Variants in ZNF549 observed in about 807,000 individuals in gnomAD.
The protein encoded by ZNF549 is zinc finger protein 549.
A neutral mutation model predicts 11.1 loss-of-function variants in ZNF549; 11 were observed. The observed-to-expected ratio is 0.99, with a 90% CI of 0.62 to 1.64. The LOEUF (loss-of-function observed/expected upper bound fraction) is 1.64, where lower values mean the gene tolerates loss of function less well. Ranked by LOEUF, ZNF549 falls within the 40% of genes most tolerant of loss-of-function variation. The pLI, the probability that ZNF549 is intolerant of heterozygous loss-of-function variation, is 0.00. For synonymous variants in ZNF549, 266 were observed against 269.1 expected (o/e 0.99, Z 0.11); for missense variants, 748 against 765.1 (o/e 0.98, Z 0.26).
At chr19:57,528,119 GGTT>G (rs1481132426) in intron 1 of ZNF549, among the ~76,000 whole-genome samples, 1 of 152,140 alleles carries the variant, frequency 6.6e-6, no homozygotes, top group Non-Finnish European at 1.5e-5. Context: ...GGACCAGACG[GGTT>G]GCTGAAGGGA....
chr19:57,535,477 T>G, intron 3 of ZNF549: 1 of 612,956 alleles, frequency 1.6e-6, no homozygotes, highest in Non-Finnish European at 2.6e-6. Flanking sequence ...TAGTTAAGAG[T>G]TTGGGTTCAG....
chr19:57,536,219 T>C (rs2089924021), intron 3 of ZNF549, among the ~76,000 whole-genome samples: 5 of 152,212 alleles, frequency 3.3e-5, no homozygotes, highest in Admixed American at 3.3e-4. Context: ...GATGGGGTTA[T>C]ATCCTGATAA....
In ZNF549 at chr19:57,537,813, A is replaced by C. The variant is rs774515121; in HGVS notation, c.809A>C (p.Asn270Thr). Reference sequence around the variant, plus strand: ...TTTGTTGAACACCAGAGAACCCATAATGCAGAAAAGCCTTATGTGTGCAAT... The same window carrying C: ...TTTGTTGAACACCAGAGAACCCATACTGCAGAAAAGCCTTATGTGTGCAAT... The part of the protein sequence containing the change: ...YLFVEHQRTH[N>T]AEKPYVCNIC... Residue 270 changes from asparagine to threonine, a missense_variant, in exon 4 of 4, where the codon AAT (asparagine) becomes ACT (threonine). Coordinates refer to ENST00000376233, the MANE Select transcript of ZNF549 (RefSeq NM_001199295.2). The C allele has an allele frequency of 3.7e-6, 6 of 1,614,090 alleles. No homozygotes were observed. In the African/African-American group the frequency reaches 6.7e-5, roughly 18 times the overall value.
At chr19:57,532,966 T>A (rs1452631311) in intron 2 of ZNF549, among the ~76,000 whole-genome samples, 2 of 152,204 alleles carry the variant, frequency 1.3e-5, no homozygotes, top group Non-Finnish European at 2.9e-5. Flanking sequence ...TGCCTCAACC[T>A]CCCGAGTGGC....
Position 57,537,494 on chromosome 19 carries a change from G to A in ZNF549, c.490G>A (p.Glu164Lys), listed in dbSNP as rs2089930706. The A allele has an allele frequency of 1.9e-6, 3 of 1,614,206 alleles. No homozygotes were observed. Residue 164 changes from glutamate to lysine, a missense_variant, in exon 4 of 4, where the codon GAG becomes AAG. Transcript: ENST00000376233. ...TGGAGAGAAACACATCAGAAAGGAGGAGAGCAGTGCCTTGCTTCTGAATAG... is the reference window on the plus strand; with the variant it reads ...TGGAGAGAAACACATCAGAAAGGAGAAGAGCAGTGCCTTGCTTCTGAATAG... ...DSGEKHIRKE[E>K]SSALLLNSCK... is the part of the protein sequence containing the mutation.
intron 1 of ZNF549, 43 bp from the exon 2 acceptor site, chr19:57,531,027 C>T (rs2089901751): frequency 1.3e-6 from 2 of 1,590,150 alleles, no homozygotes; most frequent in Admixed American, 1.7e-5. Flanking sequence ...TTTGTAAATG[C>T]CACCTTGAAC....
chr19:57,540,652 C>T lies in ZNF549; in HGVS notation c.*1725C>T, dbSNP rs2089952069. On this transcript the variant is annotated 3_prime_UTR_variant, in exon 4 of 4. Coordinates refer to ENST00000376233, the MANE Select transcript of ZNF549 (RefSeq NM_001199295.2). Reference sequence around the variant, plus strand: ...GCGTGCATTTGTAATCCCAGCTACACAGGAGGCTGAGGCAGGAGAATTGCT... The same window carrying T: ...GCGTGCATTTGTAATCCCAGCTACATAGGAGGCTGAGGCAGGAGAATTGCT... The T allele has an allele frequency of 6.6e-6, 1 of 152,102 alleles. No homozygotes were observed. Among genetic ancestry groups the T allele is most frequent in the Admixed American group, 6.5e-5 (1 of 15,280 alleles). The allele number at this position is 152,102 out of a possible 1,614,324, so 9.4% of individuals were successfully genotyped here.
intron 1 of ZNF549, among the ~76,000 whole-genome samples, chr19:57,529,132 G>A (rs961149062): frequency 3.3e-5 from 5 of 152,210 alleles, no homozygotes; most frequent in African/African-American, 1.2e-4. Context: ...CTGTGTTACA[G>A]TTGCTGACAG....
chr19:57,530,178 C>G (rs921915048), intron 1 of ZNF549, among the ~76,000 whole-genome samples: 16 of 152,102 alleles, frequency 1.1e-4, no homozygotes, highest in African/African-American at 3.6e-4. Flanking sequence ...CCAGAAAAAT[C>G]AAGTGATTAT....
chr19:57,537,307 A>G lies in ZNF549; in HGVS notation c.303A>G (p.Pro101=). ...ARTPKLGPSI[P]NAHSCEMCIL... Reference sequence around the variant, plus strand: ...CTCCAAAGCTAGGTCCTTCCATCCCAAATGCTCATTCTTGTGAGATGTGTA... The same window carrying G: ...CTCCAAAGCTAGGTCCTTCCATCCCGAATGCTCATTCTTGTGAGATGTGTA... Residue 101 remains proline, a synonymous_variant, in exon 4 of 4, where the codon CCA becomes CCG. Transcript: ENST00000376233. 1 of 1,614,178 alleles carries G rather than the reference A, an allele frequency of 6.2e-7. No individual in the cohort carries two copies. The highest frequency in any genetic ancestry group is 8.5e-7 in the Non-Finnish European group (1 of 1,180,018).
intron 1 of ZNF549, among the ~76,000 whole-genome samples, chr19:57,527,890 GC>G (rs1295625241): frequency 6.6e-6 from 1 of 152,198 alleles, no homozygotes. Context: ...AGGCACGGCT[GC>G]CATGGCAGCC....
At chr19:57,531,163 C>G (rs2123309755) in intron 2 of ZNF549, 55 bp downstream of exon 2, 2 of 1,572,216 alleles carry the variant, frequency 1.3e-6, no homozygotes, top group South Asian at 2.2e-5. Context: ...AGCCATGGGT[C>G]TGGCCCACAG....
At chr19:57,528,895 G>A (rs1268099569) in intron 1 of ZNF549, among the ~76,000 whole-genome samples, 1 of 152,188 alleles carries the variant, frequency 6.6e-6, no homozygotes, top group Non-Finnish European at 1.5e-5. Flanking sequence ...TTTTTGTCAT[G>A]CTTTCCTGGC....
At position 57,540,048 on chromosome 19, in the gene ZNF549, T is replaced by G. The variant is rs915204076; in HGVS notation, c.*1121T>G. 6.6e-6 allele frequency: 1 copy of G among 152,240 alleles called. No homozygotes were observed. The highest frequency in any genetic ancestry group is 2.4e-5 in the African/African-American group (1 of 41,460). 9.4% of individuals were successfully genotyped at this position (152,240 alleles called of 1,614,324 possible). ...TAAGGCATCTAAAGATTTTGTGGACTCATAACTTATGTACTGTTTTTGAGA... is the reference window on the plus strand; with the variant it reads ...TAAGGCATCTAAAGATTTTGTGGACGCATAACTTATGTACTGTTTTTGAGA... On this transcript the variant is annotated 3_prime_UTR_variant, in exon 4 of 4. Transcript: ENST00000376233.
Position 57,530,326 on chromosome 19 carries a change from G to A in ZNF549, c.34-744G>A, listed in dbSNP as rs372256655. On this transcript the variant is annotated intron_variant, in intron 1 of 3. Coordinates refer to ENST00000376233, the MANE Select transcript of ZNF549 (RefSeq NM_001199295.2). ...CACTTGGAAGTGCTGGGAGAGTGAC[G>A]TAAGAGAGCGTGGAAGTACTCTGCC... Among the ~76,000 whole-genome samples, 24 of 152,270 alleles carry A rather than the reference G, an allele frequency of 1.6e-4. No individual in the cohort carries two copies. The East Asian group carries it at 1.7e-3, about 11-fold the overall frequency.
chr19:57,535,986 A>G (rs2089922990), intron 3 of ZNF549, among the ~76,000 whole-genome samples: 1 of 152,044 alleles, frequency 6.6e-6, no homozygotes. Flanking sequence ...CAAATGTCCT[A>G]TGTTCCCCAC....
rs2089919869 is a variant in ZNF549, at chr19:57,535,348, C to G, written c.199+78C>G. On this transcript the variant is annotated intron_variant, in intron 3 of 3. Transcript: ENST00000376233. ...CTTTTTCCAGGAGTTTCCTGTCTTT[C>G]CCAGAGTTGGACATGGGCCCTTCTT... 2.6e-6 allele frequency: 4 copies of G among 1,528,218 alleles called. No homozygotes were observed. The South Asian group carries it at 3.9e-5, about 15-fold the overall frequency. The allele number at this position is 1,528,218 out of a possible 1,614,324, so 94.7% of individuals were successfully genotyped here. A position where few individuals can be genotyped will look rare whatever the true frequency, so the allele number is the denominator to read the frequency against.
At chr19:57,531,022 A>G (rs2089901733) in intron 1 of ZNF549, 48 bp from the exon 2 acceptor site, 1 of 1,586,396 alleles carries the variant, frequency 6.3e-7, no homozygotes, top group African/African-American at 1.3e-5. Context: ...TACCCTTTGT[A>G]AATGCCACCT....
At chr19:57,533,566 T>G (rs1430084887) in intron 2 of ZNF549, among the ~76,000 whole-genome samples, 2 of 152,204 alleles carry the variant, frequency 1.3e-5, no homozygotes, top group Admixed American at 1.3e-4. Flanking sequence ...TTGGTTAAGT[T>G]TCTGGAGGTA....
Sources: gnomAD v4.1 joint callset for allele counts (sites outside exome capture counted in the v4.1 genomes callset) on GRCh38, gnomAD v4.1.1 for gene constraint, MANE v1.5 for transcripts, NCBI Gene and HGNC (gene_info 2026-07-23, HGNC 2026-07-21) for gene names.